Variants in ANKAR observed in about 807,000 individuals in gnomAD.
ANKAR encodes ankyrin and armadillo repeat containing.
In ANKAR, 136 loss-of-function variants were observed where a neutral mutation model predicts 146.2. The ratio of observed to expected loss-of-function variants is 0.93; its 90% CI spans 0.81 to 1.07. The LOEUF is 1.07. ANKAR is among the 50% of genes least tolerant of loss of function. ANKAR has a pLI of 0.00. For synonymous variants in ANKAR, 500 were observed against 575.8 expected (o/e 0.87, Z 1.88); for missense variants, 1,567 against 1,679.9 (o/e 0.93, Z 1.18).
At chr2:189,762,751 A>G (rs1020500152), downstream of ANKAR, 11 of 985,378 alleles carry the variant, frequency 1.1e-5, no homozygotes, top group East Asian at 2.3e-4. Context: ...GACTGCCCTT[A>G]TCGCTGCAGG....
chr2:189,738,830 A>C, intron 19 of ANKAR, 148 bp downstream of exon 19: 1 of 530,778 alleles, frequency 1.9e-6, no homozygotes. Flanking sequence ...ATGGAACTCC[A>C]CAGCAAGTCT....
intron 5 of ANKAR, among the ~76,000 whole-genome samples, chr2:189,694,557 G>T (rs1319262891): frequency 6.6e-6 from 1 of 152,178 alleles, no homozygotes; most frequent in African/African-American, 2.4e-5. Flanking sequence ...GTCCACTGCT[G>T]CAGTGAGTAA....
At chr2:189,696,576 G>C (rs551719138) in intron 7 of ANKAR, among the ~76,000 whole-genome samples, 2 of 152,190 alleles carry the variant, frequency 1.3e-5, no homozygotes, top group African/African-American at 4.8e-5. Flanking sequence ...TTTGCTCATT[G>C]TGTCTCCTTC....
rs1341323761 is a variant in ANKAR at position 189,705,225 on chromosome 2, G to GT, written c.1910+2dup. 4 of 1,613,446 alleles carry GT rather than the reference G, an allele frequency of 2.5e-6. No homozygotes were observed. Among genetic ancestry groups the GT allele is most frequent in the Non-Finnish European group, 3.4e-6 (4 of 1,179,618 alleles). ...TGCTAGAAGCTGAGGCAACAGCTGAGTAAGTCATTAAGCATTTATATCAGG... is the reference window on the plus strand; with the variant it reads ...TGCTAGAAGCTGAGGCAACAGCTGAGTTAAGTCATTAAGCATTTATATCAGG... On this transcript the variant is annotated splice_donor_variant, in intron 8 of 22. Transcript: ENST00000684021. LOFTEE classifies it high-confidence loss of function.
chr2:189,755,597 A>G lies in ANKAR; in HGVS notation c.*585-5501A>G, dbSNP rs570672168. The G allele has an allele frequency of 1.6e-5, 25 of 1,565,004 alleles. No homozygotes were observed. In the African/African-American group the frequency reaches 3.1e-4, roughly 19 times the overall value. On this transcript the variant is annotated intron_variant and NMD_transcript_variant, in intron 18 of 18. Transcript: ENST00000441800. ...AAAGACAGCATTTTGTAGTTTTAAGATTGTAAAAATGAAGAAAAATGATAT... is the reference window on the plus strand; with the variant it reads ...AAAGACAGCATTTTGTAGTTTTAAGGTTGTAAAAATGAAGAAAAATGATAT...
At chr2:189,747,604 T>A (rs1039906549), downstream of ANKAR, among the ~76,000 whole-genome samples, 1 of 152,176 alleles carries the variant, frequency 6.6e-6, no homozygotes, top group East Asian at 1.9e-4. Context: ...TTTGCTCAAA[T>A]AGCAATGTCT....
At chr2:189,763,052 T>C (rs1392154874), downstream of ANKAR, 1 of 985,166 alleles carries the variant, frequency 1.0e-6, no homozygotes, top group Non-Finnish European at 1.2e-6. Context: ...AAGAAATTTT[T>C]TTTTTGCCCT....
chr2:189,712,901 A>G (rs2039900869), intron 10 of ANKAR, among the ~76,000 whole-genome samples: 1 of 152,206 alleles, frequency 6.6e-6, no homozygotes, highest in South Asian at 2.1e-4. Flanking sequence ...ATGGCTAACT[A>G]GAATAAACAG....
intron 2 of ANKAR, among the ~76,000 whole-genome samples, chr2:189,682,335 C>T (rs1283131418): frequency 6.6e-6 from 1 of 152,094 alleles, no homozygotes; most frequent in East Asian, 1.9e-4. Context: ...ATGAGCATTA[C>T]ACCTAGTAGA....
chr2:189,715,423 G>T (rs1369064923), intron 10 of ANKAR, among the ~76,000 whole-genome samples: 1 of 152,138 alleles, frequency 6.6e-6, no homozygotes, highest in Non-Finnish European at 1.5e-5. Context: ...CCATTAACAG[G>T]CTCTGAAATT....
chr2:189,745,027 C>CTACTACTACTAA (rs376824673), intron 22 of ANKAR, among the ~76,000 whole-genome samples: 2 of 131,094 alleles, frequency 1.5e-5, no homozygotes, highest in African/African-American at 2.8e-5. Context: ...ACTACTACTA[C>CTACTACTACTAA]TAATAATACA....
intron 1 of ANKAR, chr2:189,676,026 G>T: frequency 6.0e-6 from 1 of 165,470 alleles, no homozygotes; most frequent in Non-Finnish European, 1.3e-5. Context: ...TGCTTGTACA[G>T]CCTGCAGAAT....
chr2:189,737,691 C>T lies in ANKAR; in HGVS notation c.3432C>T (p.Cys1144=). ...GTTTCTCCTATTTTTAGGATATTTGCTTAAGAGCAGGCTATGCATTAACAC... is the reference window on the plus strand; with the variant it reads ...GTTTCTCCTATTTTTAGGATATTTGTTTAAGAGCAGGCTATGCATTAACAC... ...YLLHSTEKDI[C]LRAGYALTLF... Residue 1144 remains cysteine (C), a synonymous_variant, in exon 18 of 23, where the codon TGC becomes TGT. Coordinates refer to ENST00000684021, the MANE Select transcript of ANKAR (RefSeq NM_001378068.1). The T allele has an allele frequency of 1.9e-6, 3 of 1,585,742 alleles. No individual in the cohort carries two copies. The highest frequency in any genetic ancestry group is 4.6e-5 in the East Asian group (2 of 43,310).
Position 189,676,879 on chromosome 2 carries a change from C to A in ANKAR, c.389C>A (p.Ser130Tyr), listed in dbSNP as rs767296865. 1.2e-6 allele frequency: 2 copies of A among 1,614,026 alleles called. No individual in the cohort carries two copies. Among genetic ancestry groups the A allele is most frequent in the African/African-American group, 1.3e-5 (1 of 74,914 alleles). ...TTAGAAGCTAATTATGATCAGAGTT[C>A]TTCTTGTCAATTACCTCCAGCTTAT... ...ISLEANYDQS[S>Y]SCQLPPAYYD... Residue 130 changes from serine (S) to tyrosine (Y), a missense_variant, in exon 2 of 23, where the codon TCT (serine) becomes TAT (tyrosine). Transcript: ENST00000684021.
chr2:189,712,594 C>G (rs1301014910), intron 10 of ANKAR, among the ~76,000 whole-genome samples: 2 of 152,182 alleles, frequency 1.3e-5, no homozygotes, highest in Non-Finnish European at 2.9e-5. Context: ...AAAAGGACAT[C>G]TACACCAAAA....
chr2:189,676,232 G>C (rs537704128), intron 1 of ANKAR, among the ~76,000 whole-genome samples: 3 of 152,130 alleles, frequency 2.0e-5, no homozygotes, highest in African/African-American at 7.2e-5. Context: ...TGAATTCTTT[G>C]AAAAGCAGAA....
Position 189,696,138 on chromosome 2 carries a change from TC to T in ANKAR, c.1489-11del. The T allele has an allele frequency of 6.2e-7, 1 of 1,612,152 alleles. No individual in the cohort carries two copies. Among genetic ancestry groups the T allele is most frequent in the Non-Finnish European group, 8.5e-7 (1 of 1,179,204 alleles). Reference sequence around the variant, plus strand: ...CATTTTGATAAACTGATTCTGGCCTTCTTAATTTTAGAGTATTCCATTTGGT... The same window carrying T: ...CATTTTGATAAACTGATTCTGGCCTTTTAATTTTAGAGTATTCCATTTGGT... On this transcript the variant is annotated splice_polypyrimidine_tract_variant and intron_variant, in intron 6 of 22. Coordinates refer to ENST00000684021, the MANE Select transcript of ANKAR (RefSeq NM_001378068.1).
At chr2:189,758,500 C>T (rs1353819978) in intron 18 of ANKAR, among the ~76,000 whole-genome samples, 1 of 152,194 alleles carries the variant, frequency 6.6e-6, no homozygotes, top group African/African-American at 2.4e-5. Flanking sequence ...TGGGCCTCCC[C>T]AGAAGCAGAT....
chr2:189,741,995 G>C (rs1221185504), intron 20 of ANKAR, among the ~76,000 whole-genome samples: 1 of 152,164 alleles, frequency 6.6e-6, no homozygotes, highest in African/African-American at 2.4e-5. Flanking sequence ...GGAATTCATA[G>C]GATAGCTTTC....
Sources: allele counts gnomAD v4.1 joint callset (sites outside exome capture counted in the v4.1 genomes callset), GRCh38; gene constraint gnomAD v4.1.1; transcripts MANE v1.5; gene names NCBI Gene and HGNC (gene_info 2026-07-23, HGNC 2026-07-21).